The following SORCS1 variants were observed in gnomAD, a reference collection of about 807,000 sequenced individuals.
The protein encoded by SORCS1 is sortilin related VPS10 domain containing receptor 1.
SORCS1 carries 60 observed loss-of-function variants against 146.1 expected under a neutral mutation model. The ratio of observed to expected loss-of-function variants is 0.41; its 90% CI spans 0.33 to 0.51. The LOEUF (loss-of-function observed/expected upper bound fraction) is 0.51, where lower values mean the gene tolerates loss of function less well. SORCS1 is among the 20% of genes least tolerant of loss of function. The pLI is 0.21. For missense variants in SORCS1, 1,352 were observed against 1,487.6 expected (o/e 0.91, Z 1.50); for synonymous variants, 637 against 584.0 (o/e 1.09, Z -1.31).
intron 2 of SORCS1, among the ~76,000 whole-genome samples, chr10:106,841,166 T>C (rs1242866309): frequency 6.6e-6 from 1 of 152,126 alleles, no homozygotes; most frequent in African/African-American, 2.4e-5. Flanking sequence ...AAAATATTTT[T>C]GATTAAAATA....
At chr10:107,021,513 C>CAAAAAAAA (rs869141427) in intron 1 of SORCS1, among the ~76,000 whole-genome samples, 10 of 68,634 alleles carry the variant, frequency 1.5e-4, no homozygotes, top group South Asian at 6.4e-4. Context: ...CACTCCGTCT[C>CAAAAAAAA]AAAAAAAAAA....
intron 2 of SORCS1, among the ~76,000 whole-genome samples, chr10:106,925,883 T>C (rs1952989539): frequency 6.6e-6 from 1 of 152,110 alleles, no homozygotes; most frequent in African/African-American, 2.4e-5. Flanking sequence ...CAATGACAGG[T>C]TTATTGGGCT....
intron 16 of SORCS1, 122 bp from the exon 17 acceptor site, chr10:106,667,924 C>A (rs202068679): frequency 3.3e-4 from 140 of 425,180 alleles, no homozygotes; most frequent in South Asian, 5.5e-4. Context: ...AAAATAAAAA[C>A]AAAAAAAAAA....
intron 1 of SORCS1, among the ~76,000 whole-genome samples, chr10:107,108,671 C>A (rs1450205822): frequency 6.6e-6 from 1 of 152,148 alleles, no homozygotes; most frequent in East Asian, 1.9e-4. Context: ...AATCTCATGT[C>A]CTTCTCATAT....
At chr10:106,917,955 T>C (rs984296786) in intron 2 of SORCS1, among the ~76,000 whole-genome samples, 2 of 152,212 alleles carry the variant, frequency 1.3e-5, no homozygotes, top group African/African-American at 2.4e-5. Context: ...GTTTTCTCAA[T>C]AGCTGCAGCT....
At chr10:106,831,189 A>G (rs1222151896) in intron 2 of SORCS1, among the ~76,000 whole-genome samples, 1 of 152,144 alleles carries the variant, frequency 6.6e-6, no homozygotes. Flanking sequence ...TGTCCAGAGC[A>G]AGACTCCATC....
At chr10:106,858,758 T>C (rs1949889786) in intron 2 of SORCS1, among the ~76,000 whole-genome samples, 1 of 152,204 alleles carries the variant, frequency 6.6e-6, no homozygotes, top group African/African-American at 2.4e-5. Context: ...TTGGCCCTGA[T>C]ACCTGGATCT....
At chr10:106,940,395 G>A (rs1266473456) in intron 2 of SORCS1, among the ~76,000 whole-genome samples, 2 of 152,152 alleles carry the variant, frequency 1.3e-5, no homozygotes, top group African/African-American at 4.8e-5. Flanking sequence ...TCTGTACTTG[G>A]TGTTGGGTAT....
chr10:106,951,708 T>C lies in SORCS1; in HGVS notation c.626+4805A>G, dbSNP rs190032554. ...ATCTTTGGATGACCATGAAGTCTGT[T>C]GTGCTCACTGCTCTGTTTAAAAACA... On this transcript the variant is annotated intron_variant, in intron 2 of 25. Transcript: ENST00000263054. 1.1e-3 allele frequency among the ~76,000 whole-genome samples: 173 copies of C among 152,336 alleles called. 2 individuals are homozygous for C. Among genetic ancestry groups the C allele is most frequent in the Admixed American group, 0.011 (173 of 15,306 alleles).
upstream of SORCS1, among the ~76,000 whole-genome samples, chr10:107,167,501 G>C (rs575970671): frequency 6.6e-6 from 1 of 152,074 alleles, no homozygotes; most frequent in Admixed American, 6.6e-5. Context: ...CTTCATCTAA[G>C]TTATCATCAT....
rs1261731808 is a variant in SORCS1, at chr10:107,164,430, C to CGCA, written c.94_96dup (p.Cys32dup). On this transcript the variant is annotated inframe_insertion, in exon 1 of 26. Transcript: ENST00000263054. The surrounding 1 kb of genome is among the most constrained non-coding windows in gnomAD (Gnocchi z 6.8). ...GGCGAGGGGCAGCAGGAGCCGCCGC[C>CGCA]GCAGACGCCCGGGGCGCAGAGGATC... is the stretch of plus-strand genomic sequence containing the variant. 7.1e-7 allele frequency: 1 copy of CGCA among 1,409,028 alleles called. No individual in the cohort carries two copies. The highest frequency in any genetic ancestry group is 3.0e-5 in the Admixed American group (1 of 32,832). 87.3% of individuals were successfully genotyped at this position (1,409,028 alleles called of 1,614,324 possible). A position where few individuals can be genotyped will look rare whatever the true frequency, so the allele number is the denominator to read the frequency against.
chr10:106,941,708 T>A (rs2138756026), intron 2 of SORCS1, among the ~76,000 whole-genome samples: 1 of 152,320 alleles, frequency 6.6e-6, no homozygotes, highest in South Asian at 2.1e-4. Flanking sequence ...AAAAAATATA[T>A]TTTTAACTAT....
intron 5 of SORCS1, among the ~76,000 whole-genome samples, chr10:106,748,483 T>A (rs529054350): frequency 2.8e-4 from 42 of 152,050 alleles, no homozygotes; most frequent in African/African-American, 1.0e-3. Flanking sequence ...GATTCCCCCA[T>A]CTCTCTCCCT....
At chr10:107,002,083 G>C (rs1419637866) in intron 1 of SORCS1, among the ~76,000 whole-genome samples, 1 of 152,150 alleles carries the variant, frequency 6.6e-6, no homozygotes, top group Non-Finnish European at 1.5e-5. Flanking sequence ...GAAGACCACT[G>C]AATTTGTATG....
At position 106,607,291 on chromosome 10, in the gene SORCS1, C is replaced by A; in HGVS notation, c.3040G>T (p.Gly1014Trp). 1 of 1,613,980 alleles carries A rather than the reference C, an allele frequency of 6.2e-7. No individual in the cohort carries two copies. The highest frequency in any genetic ancestry group is 8.5e-7 in the Non-Finnish European group (1 of 1,179,944). The change falls in exon 23 of 26, where the codon GGG (glycine) becomes TGG (tryptophan). Residue 1014 changes from glycine (G) to tryptophan (W), a missense_variant. Coordinates refer to ENST00000263054, the MANE Select transcript of SORCS1 (RefSeq NM_052918.5). ...VIKKSLVEAT[G>W]VPGQHILVAV... ...ACCAGGATGTGCTGGCCTGGAACCC[C>A]TGTGGCCTGAGGGACAGACACAGGG...
chr10:106,976,306 C>A (rs1955999089), intron 1 of SORCS1, among the ~76,000 whole-genome samples: 1 of 144,892 alleles, frequency 6.9e-6, no homozygotes, highest in African/African-American at 2.5e-5. Flanking sequence ...TTTGCTGCAC[C>A]TATCAACTCA....
chr10:106,867,632 T>C (rs772079977), intron 2 of SORCS1, among the ~76,000 whole-genome samples: 1 of 152,188 alleles, frequency 6.6e-6, no homozygotes, highest in African/African-American at 2.4e-5. Context: ...AGATTTCATA[T>C]CTGGCCCAAC....
intron 1 of SORCS1, among the ~76,000 whole-genome samples, chr10:107,090,941 C>T (rs910516776): frequency 2.5e-4 from 38 of 151,882 alleles, no homozygotes; most frequent in African/African-American, 9.2e-4. Context: ...CACACACACA[C>T]ACGTACACAC....
chr10:107,155,203 A>G (rs557388175), intron 1 of SORCS1, among the ~76,000 whole-genome samples: 3 of 152,184 alleles, frequency 2.0e-5, no homozygotes, highest in Non-Finnish European at 4.4e-5. Flanking sequence ...CATGGTTTCT[A>G]TTGAGAAGCT....
Sources: allele counts gnomAD v4.1 joint callset (sites outside exome capture counted in the v4.1 genomes callset), GRCh38; gene constraint gnomAD v4.1.1; non-coding constraint Gnocchi (gnomAD v3.1); transcripts MANE v1.5; gene names NCBI Gene and HGNC (gene_info 2026-07-23, HGNC 2026-07-21).